The following BRINP3 variants were observed in gnomAD, a reference collection of about 807,000 sequenced individuals.
BRINP3 encodes BMP/retinoic acid-inducible neural-specific protein 3.
Under a neutral mutation model 71.0 loss-of-function variants are expected in BRINP3, and 19 were observed. That is an observed-to-expected ratio of 0.27 (90% CI 0.19 to 0.39). The LOEUF (loss-of-function observed/expected upper bound fraction) is 0.39. BRINP3 is among the 10% of genes least tolerant of loss of function. BRINP3 has a pLI of 1.00. For missense variants in BRINP3, 959 were observed against 940.8 expected (o/e 1.02, Z -0.25); for synonymous variants, 380 against 337.7 (o/e 1.13, Z -1.37).
At chr1:190,437,523 A>T (rs1352717842) in intron 2 of BRINP3, among the ~76,000 whole-genome samples, 1 of 151,848 alleles carries the variant, frequency 6.6e-6, no homozygotes, top group African/African-American at 2.4e-5. Context: ...CTTAAAAAAC[A>T]TAAAACTTCA....
At chr1:190,213,831 G>A (rs1378909008) in intron 6 of BRINP3, among the ~76,000 whole-genome samples, 4 of 152,034 alleles carry the variant, frequency 2.6e-5, no homozygotes, top group East Asian at 1.9e-4. Context: ...GACTGTGGGT[G>A]TGGCTATTGG....
rs558943710 is a variant in BRINP3 at position 190,422,423 on chromosome 1, T to C, written c.236+32232A>G. On this transcript the variant is annotated intron_variant, in intron 2 of 7. Transcript: ENST00000367462. ...AGACATCAGAAAATTCAATCCTGTATTATTGGATTATTTAAACTTTCAGAA... is the reference window on the plus strand; with the variant it reads ...AGACATCAGAAAATTCAATCCTGTACTATTGGATTATTTAAACTTTCAGAA... 2.0e-5 allele frequency among the ~76,000 whole-genome samples: 3 copies of C among 151,922 alleles called. No homozygotes were observed. In the East Asian group the frequency reaches 5.8e-4, roughly 29 times the overall value.
At chr1:190,411,083 A>G (rs1377838860) in intron 2 of BRINP3, among the ~76,000 whole-genome samples, 1 of 152,124 alleles carries the variant, frequency 6.6e-6, no homozygotes, top group Non-Finnish European at 1.5e-5. Flanking sequence ...TTAAGTAGGC[A>G]TTTTATTGGT....
chr1:190,370,670 G>C (rs1669802863), intron 2 of BRINP3, among the ~76,000 whole-genome samples: 1 of 152,216 alleles, frequency 6.6e-6, no homozygotes, highest in Non-Finnish European at 1.5e-5. Context: ...GCTAAGGTAA[G>C]GCAGGGCCTT....
intron 2 of BRINP3, among the ~76,000 whole-genome samples, chr1:190,407,459 T>C (rs1672356982): frequency 6.6e-6 from 1 of 152,118 alleles, no homozygotes; most frequent in African/African-American, 2.4e-5. Context: ...ACTAAATCCT[T>C]ATACAGTCAG....
At chr1:190,169,588 G>A (rs951938224) in intron 6 of BRINP3, among the ~76,000 whole-genome samples, 1 of 152,058 alleles carries the variant, frequency 6.6e-6, no homozygotes, top group African/African-American at 2.4e-5. Flanking sequence ...GAGGCCTCAA[G>A]GGCAATTATA....
rs1427333414 is a variant in BRINP3, at chr1:190,097,741, TG to T, written c.*276del. On this transcript the variant is annotated 3_prime_UTR_variant, in exon 8 of 8. Transcript: ENST00000367462. ...TAGAGGATGTAATGCACAAAAGCATTGCCACGGAACATATAAAATTACAAAT... is the reference window on the plus strand; with the variant it reads ...TAGAGGATGTAATGCACAAAAGCATTCCACGGAACATATAAAATTACAAAT... The T allele has an allele frequency of 1.3e-5, 4 of 312,566 alleles. No homozygotes were observed. The Admixed American group carries it at 1.8e-4, about 14-fold the overall frequency. 19.4% of individuals were successfully genotyped at this position (312,566 alleles called of 1,614,324 possible).
At chr1:190,310,942 C>T (rs866688188) in intron 2 of BRINP3, among the ~76,000 whole-genome samples, 24 of 151,646 alleles carry the variant, frequency 1.6e-4, no homozygotes, top group Middle Eastern at 3.2e-3. Context: ...GAGTGAATAC[C>T]TGCTAGTGCA....
intron 4 of BRINP3, among the ~76,000 whole-genome samples, chr1:190,240,182 G>GT (rs749119559): frequency 6.6e-6 from 1 of 151,788 alleles, no homozygotes; most frequent in African/African-American, 2.4e-5. Context: ...GAAAAAAATA[G>GT]TTTTTTCTTG....
intron 6 of BRINP3, among the ~76,000 whole-genome samples, chr1:190,173,394 T>C (rs1352408405): frequency 6.6e-6 from 1 of 152,144 alleles, no homozygotes; most frequent in African/African-American, 2.4e-5. Context: ...CCTGTGTCCT[T>C]TGGAGTAAAA....
At chr1:190,379,968 C>T (rs1340502579) in intron 2 of BRINP3, among the ~76,000 whole-genome samples, 4 of 137,616 alleles carry the variant, frequency 2.9e-5, no homozygotes, top group Non-Finnish European at 6.1e-5. Flanking sequence ...ATTGCACTCC[C>T]GCCTGGGCAA....
intron 2 of BRINP3, among the ~76,000 whole-genome samples, chr1:190,344,975 T>C (rs935969053): frequency 6.6e-6 from 1 of 151,890 alleles, no homozygotes; most frequent in African/African-American, 2.4e-5. Flanking sequence ...TATAATTGTA[T>C]TGAATATGCA....
chr1:190,331,045 G>A (rs1376464549), intron 2 of BRINP3, among the ~76,000 whole-genome samples: 1 of 151,822 alleles, frequency 6.6e-6, no homozygotes, highest in Non-Finnish European at 1.5e-5. Context: ...TCAGCATCAT[G>A]CAACAGACTC....
At chr1:190,267,345 A>G (rs1661744684) in intron 3 of BRINP3, among the ~76,000 whole-genome samples, 1 of 152,114 alleles carries the variant, frequency 6.6e-6, no homozygotes, top group South Asian at 2.1e-4. Flanking sequence ...GAAAATTTAA[A>G]AAGATATTAC....
intron 1 of BRINP3, among the ~76,000 whole-genome samples, chr1:190,466,471 T>C (rs964900498): frequency 2.6e-5 from 4 of 151,796 alleles, no homozygotes; most frequent in Non-Finnish European, 5.9e-5. Flanking sequence ...TCAAAGATGG[T>C]TCAGTAAAAC....
intron 7 of BRINP3, among the ~76,000 whole-genome samples, chr1:190,155,068 T>C (rs930655899): frequency 1.3e-5 from 2 of 152,106 alleles, no homozygotes; most frequent in Non-Finnish European, 2.9e-5. Flanking sequence ...AGTCCAATGA[T>C]GATATTAATA....
intron 7 of BRINP3, among the ~76,000 whole-genome samples, chr1:190,140,961 T>A (rs1335280597): frequency 6.8e-6 from 1 of 147,928 alleles, no homozygotes; most frequent in Non-Finnish European, 1.5e-5. Flanking sequence ...AGAGAGGCTA[T>A]TTTTTAAAAT....
chr1:190,188,784 G>A (rs1326998974), intron 6 of BRINP3, among the ~76,000 whole-genome samples: 1 of 151,646 alleles, frequency 6.6e-6, no homozygotes, highest in African/African-American at 2.4e-5. Flanking sequence ...TCACATGGTG[G>A]AGTCTTGCTC....
intron 6 of BRINP3, among the ~76,000 whole-genome samples, chr1:190,173,977 T>C (rs535970785): frequency 3.0e-4 from 46 of 152,206 alleles, no homozygotes; most frequent in Admixed American, 6.6e-5. Flanking sequence ...AAAGTAAAAA[T>C]TGGAGGAAAC....
Sources: allele counts gnomAD v4.1 joint callset (sites outside exome capture counted in the v4.1 genomes callset), GRCh38; gene constraint gnomAD v4.1.1; transcripts MANE v1.5; gene names NCBI Gene and HGNC (gene_info 2026-07-23, HGNC 2026-07-21).